HPCAL1: variants seen among roughly 807,000 people sequenced by gnomAD.
HPCAL1 encodes hippocalcin-like protein 1.
A neutral mutation model predicts 17.1 loss-of-function variants in HPCAL1; 8 were observed. That is an observed-to-expected ratio of 0.47 (90% confidence interval 0.27 to 0.84). HPCAL1 has a LOEUF of 0.84. Ranked by LOEUF, HPCAL1 falls within the 40% of genes least tolerant of loss-of-function variation. The probability of loss-of-function intolerance (pLI) is 0.13; values close to 1 mark genes in which losing one functional copy is unlikely to be tolerated. For synonymous variants in HPCAL1, 112 were observed against 111.4 expected, an observed-to-expected ratio of 1.01 and a Z score of -0.03; for missense variants, 165 against 271.1, an observed-to-expected ratio of 0.61 and a Z score of 2.75.
In HPCAL1 at chr2:10,340,892, G is replaced by A. The variant is rs115633150; in HGVS notation, c.-111+37715G>A. Among the ~76,000 whole-genome samples, 64 of 152,228 alleles carry A rather than the reference G, an allele frequency of 4.2e-4. 1 individual carries two copies. The highest frequency in any genetic ancestry group is 1.5e-3 in the African/African-American group (61 of 41,516). On this transcript the variant is annotated intron_variant, in intron 1 of 4. Transcript: ENST00000307845. ...CACTCTTATAATCATGCTTCATGCCGAGTTCATGAAATTAACTCTCAAACT... is the reference window on the plus strand; with the variant it reads ...CACTCTTATAATCATGCTTCATGCCAAGTTCATGAAATTAACTCTCAAACT...
rs935264155 is a variant in HPCAL1 at position 10,419,611 on chromosome 2, G to A, written c.-24-123G>A. 20 of 866,512 alleles carry A rather than the reference G, an allele frequency of 2.3e-5. No homozygotes were observed. The African/African-American group carries it at 3.1e-4, about 13-fold the overall frequency. The allele number at this position is 866,512 out of a possible 1,614,324, so 53.7% of individuals were successfully genotyped here. A position where few individuals can be genotyped will look rare whatever the true frequency, so the allele number is the denominator to read the frequency against. On this transcript the variant is annotated intron_variant, in intron 2 of 4. Transcript: ENST00000307845. The surrounding 1 kb of genome is among the most constrained non-coding windows in gnomAD (Gnocchi z 5.0). The stretch of plus-strand genomic sequence containing the variant: ...GATAGCGGCATGCCTTCCGATGGGG[G>A]ACCCGGGAGTTGCTGAGTCGCAGCG...
At chr2:10,373,623 G>T (rs1667366613) in intron 1 of HPCAL1, among the ~76,000 whole-genome samples, 1 of 151,970 alleles carries the variant, frequency 6.6e-6, no homozygotes, top group African/African-American at 2.4e-5. Context: ...AGGCAAGGAT[G>T]AAAGTCTTCT....
At chr2:10,358,988 A>G (rs1163030206) in intron 1 of HPCAL1, among the ~76,000 whole-genome samples, 4 of 150,478 alleles carry the variant, frequency 2.7e-5, no homozygotes, top group Non-Finnish European at 5.9e-5. Context: ...AGACACTACC[A>G]TGGGGTTGGA....
chr2:10,332,681 C>T (rs974884168), intron 1 of HPCAL1, among the ~76,000 whole-genome samples: 1 of 152,092 alleles, frequency 6.6e-6, no homozygotes, highest in Admixed American at 6.5e-5. Flanking sequence ...ACTCCTAATA[C>T]AGCAAGGAAG....
intron 1 of HPCAL1, among the ~76,000 whole-genome samples, chr2:10,372,299 T>A (rs1667264634): frequency 7.4e-6 from 1 of 134,822 alleles, no homozygotes; most frequent in African/African-American, 2.5e-5. Context: ...GGAAGCCCCA[T>A]GGGGGCCCCA....
Position 10,394,640 on chromosome 2 carries a change from G to T in HPCAL1, c.-110-2195G>T, listed in dbSNP as rs1668899358. Among the ~76,000 whole-genome samples the T allele has an allele frequency of 6.6e-6, 1 of 152,198 alleles. No individual in the cohort carries two copies. Among genetic ancestry groups the T allele is most frequent in the African/African-American group, 2.4e-5 (1 of 41,446 alleles). ...CCTAACGTGAGCTGCGGACCTGGGGGGTGATGATGGTCAGTGCAGGTCCCT... is the reference window on the plus strand; with the variant it reads ...CCTAACGTGAGCTGCGGACCTGGGGTGTGATGATGGTCAGTGCAGGTCCCT... On this transcript the variant is annotated intron_variant, in intron 1 of 4. Transcript: ENST00000307845. The surrounding 1 kb of genome is among the most constrained non-coding windows in gnomAD (Gnocchi z 5.0).
chr2:10,401,307 A>AC (rs1669594920), intron 2 of HPCAL1, among the ~76,000 whole-genome samples: 1 of 151,948 alleles, frequency 6.6e-6, no homozygotes, highest in Non-Finnish European at 1.5e-5. Context: ...TCTCTCAGTT[A>AC]CCCCCTAGAA....
chr2:10,346,132 C>T (rs372098511), intron 1 of HPCAL1, among the ~76,000 whole-genome samples: 20 of 152,100 alleles, frequency 1.3e-4, no homozygotes, highest in African/African-American at 4.8e-4. Flanking sequence ...TCCTCAGACC[C>T]CCCTTGGTCC....
chr2:10,308,006 T>G (rs1257906560), intron 1 of HPCAL1, among the ~76,000 whole-genome samples: 1 of 152,186 alleles, frequency 6.6e-6, no homozygotes, highest in Admixed American at 6.5e-5. Context: ...TCCCTACCTG[T>G]GCAGAGTTTA....
chr2:10,388,648 G>A (rs1668483395), intron 1 of HPCAL1, among the ~76,000 whole-genome samples: 1 of 152,158 alleles, frequency 6.6e-6, no homozygotes, highest in Non-Finnish European at 1.5e-5. Context: ...GGTTTTCAAA[G>A]TTTTCCTACA....
chr2:10,317,857 G>A (rs1307225270), intron 1 of HPCAL1, among the ~76,000 whole-genome samples: 3 of 152,232 alleles, frequency 2.0e-5, no homozygotes, highest in African/African-American at 4.8e-5. Flanking sequence ...CCACAAGGGG[G>A]CCCTGGGCTC....
chr2:10,332,440 G>A lies in HPCAL1; in HGVS notation c.-111+29263G>A, dbSNP rs185678287. ...CTCTGCGGTTCTCAGGAAGCCCCTC[G>A]GTGCCCCCTGCCCCTTATCTAGAAC... On this transcript the variant is annotated intron_variant, in intron 1 of 4. Coordinates refer to ENST00000307845, the MANE Select transcript of HPCAL1 (RefSeq NM_002149.4). 2.9e-4 allele frequency among the ~76,000 whole-genome samples: 44 copies of A among 152,224 alleles called. No homozygotes were observed. The East Asian group carries it at 8.5e-3, about 29-fold the overall frequency.
chr2:10,348,269 T>C (rs1428050652), intron 1 of HPCAL1, among the ~76,000 whole-genome samples: 1 of 151,722 alleles, frequency 6.6e-6, no homozygotes, highest in East Asian at 1.9e-4. Context: ...GCCAACATGG[T>C]GAAACCTCAT....
At chr2:10,426,477 G>T (rs114100629) in intron 4 of HPCAL1, 100 of 497,486 alleles carry the variant, frequency 2.0e-4, no homozygotes, top group African/African-American at 1.7e-3. Context: ...CATCAGCCAC[G>T]TCCTGCTGAG....
chr2:10,406,816 T>C (rs1022846187), intron 2 of HPCAL1, among the ~76,000 whole-genome samples: 1 of 152,216 alleles, frequency 6.6e-6, no homozygotes, highest in African/African-American at 2.4e-5. Context: ...ATGGTCTCAT[T>C]TTGGTCCTGC....
intron 2 of HPCAL1, among the ~76,000 whole-genome samples, chr2:10,399,160 C>T (rs1432536394): frequency 1.3e-5 from 2 of 150,854 alleles, no homozygotes; most frequent in African/African-American, 4.9e-5. Flanking sequence ...CATTCCCATC[C>T]CCAGACCCCT....
At position 10,384,029 on chromosome 2, in the gene HPCAL1, C is replaced by CCCACCCA. The variant is rs33913609; in HGVS notation, c.-110-12805_-110-12804insCACCCAC. 6.7e-6 allele frequency among the ~76,000 whole-genome samples: 1 copy of CCCACCCA among 149,862 alleles called. No individual in the cohort carries two copies. Among genetic ancestry groups the CCCACCCA allele is most frequent in the East Asian group, 2.0e-4 (1 of 5,032 alleles). ...ATATACATCGCGTACACACACACAC[C>CCCACCCA]CACACACACACACACCTTTTGCTGG... On this transcript the variant is annotated intron_variant, in intron 1 of 4. Coordinates refer to ENST00000307845, the MANE Select transcript of HPCAL1 (RefSeq NM_002149.4). This position sits in a 1 kb window ranked among gnomAD's most constrained non-coding sequence, Gnocchi z 4.4.
rs1309908661 is a variant in HPCAL1 at position 10,394,867 on chromosome 2, C to T, written c.-110-1968C>T. Reference sequence around the variant, plus strand: ...CTGGAGTGCAGTGGTGTGATCTCGGCTCACTGCAACCTCAGCCTTCTGGGC... The same window carrying T: ...CTGGAGTGCAGTGGTGTGATCTCGGTTCACTGCAACCTCAGCCTTCTGGGC... On this transcript the variant is annotated intron_variant, in intron 1 of 4. Coordinates refer to ENST00000307845, the MANE Select transcript of HPCAL1 (RefSeq NM_002149.4). The surrounding 1 kb of genome is among the most constrained non-coding windows in gnomAD (Gnocchi z 5.0). Among the ~76,000 whole-genome samples, 1 of 150,802 alleles carries T rather than the reference C, an allele frequency of 6.6e-6. No individual in the cohort carries two copies. Among genetic ancestry groups the T allele is most frequent in the East Asian group, 2.0e-4 (1 of 5,116 alleles).
At chr2:10,368,134 G>A (rs1266593396) in intron 1 of HPCAL1, among the ~76,000 whole-genome samples, 1 of 151,946 alleles carries the variant, frequency 6.6e-6, no homozygotes, top group Non-Finnish European at 1.5e-5. Context: ...GTGTGTGCAT[G>A]TGTGCACACG....
Sources: allele counts gnomAD v4.1 joint callset (sites outside exome capture counted in the v4.1 genomes callset), GRCh38; gene constraint gnomAD v4.1.1; non-coding constraint Gnocchi (gnomAD v3.1); transcripts MANE v1.5; gene names NCBI Gene and HGNC (gene_info 2026-07-23, HGNC 2026-07-21).